Variants in FARS2 observed in about 807,000 individuals in gnomAD.
FARS2 encodes the protein phenylalanine--tRNA ligase, mitochondrial.
FARS2 carries 40 observed loss-of-function variants against 46.4 expected under a neutral mutation model. The ratio of observed to expected loss-of-function variants is 0.86; its 90% CI spans 0.67 to 1.12. The LOEUF (loss-of-function observed/expected upper bound fraction) is 1.12, where lower values mean the gene tolerates loss of function less well. FARS2 is among the 50% of genes most tolerant of loss of function. FARS2 has a pLI of 0.00. For synonymous variants in FARS2, 234 were observed against 214.9 expected (o/e 1.09, Z -0.78); for missense variants, 513 against 567.9 (o/e 0.90, Z 0.98).
At chr6:5,427,167 G>A (rs1267767291) in intron 3 of FARS2, among the ~76,000 whole-genome samples, 2 of 152,094 alleles carry the variant, frequency 1.3e-5, no homozygotes, top group Non-Finnish European at 2.9e-5. Context: ...TGTGATGATC[G>A]AATCAGGGAA....
intron 6 of FARS2, among the ~76,000 whole-genome samples, chr6:5,768,837 G>A (rs906641476): frequency 2.0e-4 from 31 of 151,862 alleles, no homozygotes; most frequent in African/African-American, 6.8e-4. Context: ...CTATTTTATC[G>A]TTGAGTTGTA....
At chr6:5,645,481 G>A (rs765666691) in intron 6 of FARS2, among the ~76,000 whole-genome samples, 3 of 152,152 alleles carry the variant, frequency 2.0e-5, no homozygotes, top group East Asian at 1.9e-4. Context: ...ACACACAGTC[G>A]GGCCAGGTTT....
intron 4 of FARS2, among the ~76,000 whole-genome samples, chr6:5,468,268 GA>G (rs1488892274): frequency 6.6e-6 from 1 of 151,284 alleles, no homozygotes; most frequent in Non-Finnish European, 1.5e-5. Context: ...GCCAAACCGT[GA>G]AAGATTACAC....
At chr6:5,484,477 T>G (rs1443978448) in intron 4 of FARS2, among the ~76,000 whole-genome samples, 1 of 152,238 alleles carries the variant, frequency 6.6e-6, no homozygotes, top group African/African-American at 2.4e-5. Flanking sequence ...CTGGTGAACT[T>G]GAGTTCCAAT....
chr6:5,440,737 C>G (rs187229662), intron 4 of FARS2, among the ~76,000 whole-genome samples: 105 of 152,266 alleles, frequency 6.9e-4, no homozygotes, highest in African/African-American at 2.4e-3. Context: ...GTTGCCCAGG[C>G]TGGACTTGAG....
chr6:5,348,134 A>T (rs1757350401), intron 1 of FARS2, among the ~76,000 whole-genome samples: 1 of 152,130 alleles, frequency 6.6e-6, no homozygotes, highest in African/African-American at 2.4e-5. Flanking sequence ...CATTTTCCCA[A>T]AGATGTCTTT....
chr6:5,486,507 T>C (rs1766785135), intron 4 of FARS2, among the ~76,000 whole-genome samples: 1 of 152,338 alleles, frequency 6.6e-6, no homozygotes, highest in Non-Finnish European at 1.5e-5. Flanking sequence ...ATAAAAGTTA[T>C]CTCACAGGGG....
intron 3 of FARS2, among the ~76,000 whole-genome samples, chr6:5,409,436 G>T (rs1398890254): frequency 1.9e-5 from 2 of 106,126 alleles, no homozygotes; most frequent in Non-Finnish European, 3.8e-5. Context: ...GGGCAACAGA[G>T]CGAGACTGAC....
At chr6:5,329,464 T>G (rs889388895) in intron 1 of FARS2, among the ~76,000 whole-genome samples, 2 of 143,988 alleles carry the variant, frequency 1.4e-5, no homozygotes, top group Non-Finnish European at 3.1e-5. Context: ...TGTATGAGTT[T>G]TTAAATTTTT....
At chr6:5,487,378 A>G (rs964219428) in intron 4 of FARS2, among the ~76,000 whole-genome samples, 16 of 152,206 alleles carry the variant, frequency 1.1e-4, no homozygotes, top group Admixed American at 1.0e-3. Flanking sequence ...ACAGAATCAA[A>G]GTGATAATAG....
chr6:5,386,012 A>G (rs1174256913), intron 2 of FARS2, among the ~76,000 whole-genome samples: 1 of 152,140 alleles, frequency 6.6e-6, no homozygotes, highest in Non-Finnish European at 1.5e-5. Context: ...GATTGCTGTA[A>G]AATAAGATAT....
chr6:5,356,342 C>T (rs866259798), intron 1 of FARS2, among the ~76,000 whole-genome samples: 1 of 152,044 alleles, frequency 6.6e-6, no homozygotes, highest in East Asian at 1.9e-4. Context: ...CCCAGCTACT[C>T]GGGAGACTGA....
chr6:5,482,109 T>C (rs2552292), intron 4 of FARS2, among the ~76,000 whole-genome samples: 85,191 of 151,474 alleles, frequency 0.56, 24,173 homozygotes, highest in Admixed American at 0.63. Flanking sequence ...TGGTAATATC[T>C]ATCTCATAGG....
intron 3 of FARS2, among the ~76,000 whole-genome samples, chr6:5,418,163 A>T (rs1762346744): frequency 6.6e-6 from 1 of 152,108 alleles, no homozygotes; most frequent in South Asian, 2.1e-4. Context: ...TTTCCTACTA[A>T]TTCTGACATC....
intron 3 of FARS2, among the ~76,000 whole-genome samples, chr6:5,405,477 G>GTTTTTTTTT (rs1554181324): frequency 8.6e-5 from 8 of 93,164 alleles, no homozygotes; most frequent in African/African-American, 1.4e-4. Flanking sequence ...GTGGAGCAAG[G>GTTTTTTTTT]TTCTTTTTTT....
chr6:5,408,695 A>G (rs1302396515), intron 3 of FARS2, among the ~76,000 whole-genome samples: 1 of 152,222 alleles, frequency 6.6e-6, no homozygotes, highest in African/African-American at 2.4e-5. Flanking sequence ...GTAAATATGA[A>G]CAAACGGAAG....
At chr6:5,704,485 C>T (rs1758623387) in intron 6 of FARS2, among the ~76,000 whole-genome samples, 2 of 152,216 alleles carry the variant, frequency 1.3e-5, no homozygotes, top group African/African-American at 2.4e-5. Flanking sequence ...CAAGGACTGT[C>T]TTGGTCACTT....
At chr6:5,364,372 G>A (rs1221543440) in intron 1 of FARS2, among the ~76,000 whole-genome samples, 4 of 152,154 alleles carry the variant, frequency 2.6e-5, no homozygotes, top group East Asian at 1.9e-4. Context: ...GTATCTCTGC[G>A]AAGTCTGGCC....
chr6:5,315,738 T>TTCCTTTCTTTCTTTCTTTCTTTC lies in FARS2; in HGVS notation c.-21-52811_-21-52810insCCTTTCTTTCTTTCTTTCTTTCT, dbSNP rs1769438335. On this transcript the variant is annotated intron_variant, in intron 1 of 6. Transcript: ENST00000274680. ...TTTCTCTTTCTTTCTTTCTTTCTTT[T>TTCCTTTCTTTCTTTCTTTCTTTC]TTCCTTTCTTTCTTTCTTTCTTTTT... Among the ~76,000 whole-genome samples the TTCCTTTCTTTCTTTCTTTCTTTC allele has an allele frequency of 6.2e-4, 78 of 125,252 alleles. 1 individual carries two copies. Among genetic ancestry groups the TTCCTTTCTTTCTTTCTTTCTTTC allele is most frequent in the South Asian group, 1.0e-3 (4 of 3,862 alleles). The allele number at this position is 125,252 out of a possible 152,430, so 82.2% of individuals were successfully genotyped here.
Sources: allele counts gnomAD v4.1 joint callset (sites outside exome capture counted in the v4.1 genomes callset), GRCh38; gene constraint gnomAD v4.1.1; transcripts MANE v1.5; gene names NCBI Gene and HGNC (gene_info 2026-07-23, HGNC 2026-07-21).